The following SRBD1 variants were observed in gnomAD, a reference collection of about 807,000 sequenced individuals.
The protein encoded by SRBD1 is S1 RNA-binding domain-containing protein 1.
In SRBD1, 88 loss-of-function variants were observed where a neutral mutation model predicts 115.3. That is an observed-to-expected ratio of 0.76 (90% confidence interval 0.64 to 0.91). The LOEUF is 0.91. Ranked by LOEUF, SRBD1 falls within the 40% of genes least tolerant of loss-of-function variation. The pLI is 0.00. For synonymous variants in SRBD1, 509 were observed against 407.7 expected (o/e 1.25, Z -2.99); for missense variants, 1,385 against 1,177.4 (o/e 1.18, Z -2.58).
chr2:45,497,564 T>C (rs559104575), intron 14 of SRBD1, among the ~76,000 whole-genome samples: 6 of 152,238 alleles, frequency 3.9e-5, no homozygotes, highest in Non-Finnish European at 8.8e-5. Context: ...AATTTGCATT[T>C]CTAAGAAGTT....
chr2:45,400,798 GACAAGAAA>G (rs1667271576), intron 19 of SRBD1, among the ~76,000 whole-genome samples: 1 of 152,038 alleles, frequency 6.6e-6, no homozygotes, highest in South Asian at 2.1e-4. Context: ...ACATTTAACA[GACAAGAAA>G]ACTGAGGTAT....
chr2:45,411,989 T>G (rs1476135221), intron 19 of SRBD1, among the ~76,000 whole-genome samples: 1 of 152,146 alleles, frequency 6.6e-6, no homozygotes, highest in Non-Finnish European at 1.5e-5. Flanking sequence ...GCTGCACACC[T>G]GTAACCCCAG....
chr2:45,390,814 A>G (rs1379858553), intron 20 of SRBD1, among the ~76,000 whole-genome samples: 1 of 152,258 alleles, frequency 6.6e-6, no homozygotes, highest in East Asian at 1.9e-4. Context: ...CTTATAAAAC[A>G]AAATAAAAAC....
intron 16 of SRBD1, among the ~76,000 whole-genome samples, chr2:45,455,621 T>A (rs984436858): frequency 6.6e-6 from 1 of 151,796 alleles, no homozygotes; most frequent in African/African-American, 2.4e-5. Flanking sequence ...GAAGGGGACT[T>A]CCCTGTCACC....
intron 18 of SRBD1, among the ~76,000 whole-genome samples, chr2:45,417,025 G>A (rs1667854801): frequency 6.6e-6 from 1 of 152,126 alleles, no homozygotes; most frequent in African/African-American, 2.4e-5. Flanking sequence ...GTGAACGACG[G>A]CTCCTGGCCT....
At chr2:45,477,745 G>C (rs1669846701) in intron 15 of SRBD1, among the ~76,000 whole-genome samples, 1 of 152,230 alleles carries the variant, frequency 6.6e-6, no homozygotes, top group African/African-American at 2.4e-5. Flanking sequence ...CAGAGATCAA[G>C]TTACTTGGCT....
chr2:45,549,696 CAAAA>C (rs10646755), intron 12 of SRBD1, among the ~76,000 whole-genome samples: 855 of 84,738 alleles, frequency 0.01, 12 homozygotes, highest in African/African-American at 0.036. Context: ...ACTAAAAATA[CAAAA>C]AAAAAAAAAA....
intron 14 of SRBD1, among the ~76,000 whole-genome samples, chr2:45,494,660 G>C (rs1572700893): frequency 6.6e-6 from 1 of 151,988 alleles, no homozygotes; most frequent in Non-Finnish European, 1.5e-5. Context: ...AATTTTACTT[G>C]GCCTCCCAAG....
intron 4 of SRBD1, among the ~76,000 whole-genome samples, chr2:45,595,798 C>G (rs1239631664): frequency 3.3e-5 from 5 of 151,960 alleles, no homozygotes; most frequent in Non-Finnish European, 7.4e-5. Context: ...TAAAAAGAAC[C>G]CAAACATGTA....
chr2:45,502,159 G>A (rs1670653802), intron 14 of SRBD1, among the ~76,000 whole-genome samples: 1 of 152,174 alleles, frequency 6.6e-6, no homozygotes, highest in South Asian at 2.1e-4. Context: ...AGCCTCTGCT[G>A]CTGATACCCA....
chr2:45,509,677 C>G (rs753809670), intron 14 of SRBD1, among the ~76,000 whole-genome samples: 4 of 151,430 alleles, frequency 2.6e-5, no homozygotes, highest in Non-Finnish European at 4.4e-5. Context: ...CATATTTTCC[C>G]TTTCTTCCAA....
chr2:45,418,666 A>G (rs1298562585), intron 17 of SRBD1, 125 bp from the exon 18 acceptor site: 1 of 803,302 alleles, frequency 1.2e-6, no homozygotes, highest in East Asian at 3.5e-5. Flanking sequence ...AGTTAATCCA[A>G]AAGGGAGTTT....
chr2:45,564,257 A>T (rs1672757955), intron 9 of SRBD1, among the ~76,000 whole-genome samples: 1 of 152,192 alleles, frequency 6.6e-6, no homozygotes, highest in African/African-American at 2.4e-5. Context: ...TTCATGATAA[A>T]AAACACTCAA....
intron 20 of SRBD1, among the ~76,000 whole-genome samples, chr2:45,389,927 C>CAAA (rs2103808110): frequency 6.6e-6 from 1 of 152,160 alleles, no homozygotes; most frequent in South Asian, 2.1e-4. Flanking sequence ...AACAAATATA[C>CAAA]AAAGCTAAAC....
chr2:45,501,925 A>G (rs1572708120), intron 14 of SRBD1, among the ~76,000 whole-genome samples: 1 of 152,218 alleles, frequency 6.6e-6, no homozygotes. Flanking sequence ...CCTGTCTGAC[A>G]GCTTTGAAGA....
Position 45,430,277 on chromosome 2 carries a change from A to C in SRBD1, c.2050-10383T>G, listed in dbSNP as rs1210911851. On this transcript the variant is annotated intron_variant, in intron 16 of 20. Coordinates refer to ENST00000263736, the MANE Select transcript of SRBD1 (RefSeq NM_018079.5). ...AAGCTACCACTGACTTTCTTCACAAAATTAGAAAAAAACTACTTTAAATTT... is the reference window on the plus strand; with the variant it reads ...AAGCTACCACTGACTTTCTTCACAACATTAGAAAAAAACTACTTTAAATTT... Among the ~76,000 whole-genome samples, 6 of 152,310 alleles carry C rather than the reference A, an allele frequency of 3.9e-5. No homozygotes were observed. The East Asian group carries it at 1.2e-3, about 29-fold the overall frequency.
intron 12 of SRBD1, among the ~76,000 whole-genome samples, chr2:45,549,580 C>T (rs1672230189): frequency 6.6e-6 from 1 of 150,974 alleles, no homozygotes. Flanking sequence ...AACGTTAATT[C>T]TGGCTCATGC....
In SRBD1 at chr2:45,542,659, C is replaced by T. The variant is rs567592967; in HGVS notation, c.1874+4073G>A. 6.6e-5 allele frequency among the ~76,000 whole-genome samples: 10 copies of T among 152,248 alleles called. No individual in the cohort carries two copies. In the South Asian group the frequency reaches 8.3e-4, roughly 13 times the overall value. ...ACAGTTTCTTAAGTTAAACATGTAC[C>T]GTATACCATATACCACACAACACAG... On this transcript the variant is annotated intron_variant, in intron 14 of 20. Transcript: ENST00000263736.
chr2:45,510,072 G>T (rs533953308), intron 14 of SRBD1, among the ~76,000 whole-genome samples: 3 of 152,178 alleles, frequency 2.0e-5, no homozygotes, highest in African/African-American at 7.2e-5. Flanking sequence ...TTCTAGTTTG[G>T]CTATTTAAAT....
Sources: gnomAD v4.1 joint callset for allele counts (sites outside exome capture counted in the v4.1 genomes callset) on GRCh38, gnomAD v4.1.1 for gene constraint, MANE v1.5 for transcripts, NCBI Gene and HGNC (gene_info 2026-07-23, HGNC 2026-07-21) for gene names.